The following JCAD variants were observed in gnomAD, a reference collection of about 807,000 sequenced individuals.
JCAD encodes the protein junctional cadherin 5-associated protein.
In JCAD, 40 loss-of-function variants were observed where a neutral mutation model predicts 98.0. The observed-to-expected ratio is 0.41, with a 90% CI of 0.32 to 0.53. The LOEUF (loss-of-function observed/expected upper bound fraction) is 0.53. Ranked by LOEUF, JCAD falls within the 20% of genes least tolerant of loss-of-function variation. The pLI is 0.31. For missense variants in JCAD, 1,705 were observed against 1,738.1 expected (o/e 0.98, Z 0.34); for synonymous variants, 691 against 682.3 (o/e 1.01, Z -0.20).
In JCAD at chr10:30,092,098, T is replaced by TTAAATATATATATATATA. The variant is rs11268260; in HGVS notation, n.129-22278_129-22277insTATATATATATATATTTA. Among the ~76,000 whole-genome samples the TTAAATATATATATATATA allele has an allele frequency of 7.3e-3, 326 of 44,500 alleles. 20 individuals carry two copies. The highest frequency in any genetic ancestry group is 0.013 in the African/African-American group (110 of 8,426). 29.2% of individuals were successfully genotyped at this position (44,500 alleles called of 152,430 possible). A position where few individuals can be genotyped will look rare whatever the true frequency, so the allele number is the denominator to read the frequency against. ...ATATATATATATATATAAAGTTACT[T>TTAAATATATATATATATA]TATATATATATATATATATATATAT... On this transcript the variant is annotated intron_variant and non_coding_transcript_variant, in intron 1 of 2. Transcript: ENST00000465712.
intron 3 of JCAD, among the ~76,000 whole-genome samples, chr10:30,019,211 A>T (rs567490530): frequency 4.5e-4 from 68 of 151,852 alleles, no homozygotes; most frequent in Admixed American, 6.6e-4. Context: ...CAAAAAATTA[A>T]CCAGGCATGG....
chr10:30,031,780 A>C (rs1384013802), intron 2 of JCAD, among the ~76,000 whole-genome samples: 4 of 60,446 alleles, frequency 6.6e-5, no homozygotes, highest in African/African-American at 2.8e-4. Context: ...TTTGAGACGG[A>C]GTCTTGCTCT....
At chr10:30,038,935 C>T (rs1837180932) in intron 2 of JCAD, among the ~76,000 whole-genome samples, 1 of 152,104 alleles carries the variant, frequency 6.6e-6, no homozygotes, top group African/African-American at 2.4e-5. Flanking sequence ...CACTGGGAGT[C>T]AGGGTATCTC....
chr10:30,079,144 G>A (rs1838030404), intron 1 of JCAD, among the ~76,000 whole-genome samples: 1 of 152,018 alleles, frequency 6.6e-6, no homozygotes, highest in Non-Finnish European at 1.5e-5. Flanking sequence ...GGCAGATCAC[G>A]AGGTCAGGAG....
At chr10:30,044,825 TAAAAA>T in intron 2 of JCAD, 2 of 906,540 alleles carry the variant, frequency 2.2e-6, no homozygotes, top group Non-Finnish European at 2.6e-6. Context: ...ATTGGGCACC[TAAAAA>T]AAAAAAAAAG....
chr10:30,041,363 G>C (rs1589689709), intron 2 of JCAD, among the ~76,000 whole-genome samples: 1 of 152,178 alleles, frequency 6.6e-6, no homozygotes, highest in Non-Finnish European at 1.5e-5. Flanking sequence ...GCAGTGAAAA[G>C]GCAAATCGTG....
At position 30,017,791 on chromosome 10, in the gene JCAD, T is replaced by C. The variant is rs1836565464; in HGVS notation, c.*92A>G. 8.4e-7 allele frequency: 1 copy of C among 1,183,538 alleles called. No homozygotes were observed. 73.3% of individuals were successfully genotyped at this position (1,183,538 alleles called of 1,614,324 possible). A position where few individuals can be genotyped will look rare whatever the true frequency, so the allele number is the denominator to read the frequency against. Reference sequence around the variant, plus strand: ...GCTAAAAACTCAGCAGCTTCCAGCTTCTACATGGGGAAGTGGGGCTGATAG... The same window carrying C: ...GCTAAAAACTCAGCAGCTTCCAGCTCCTACATGGGGAAGTGGGGCTGATAG... On this transcript the variant is annotated 3_prime_UTR_variant, in exon 4 of 4. Coordinates refer to ENST00000375377, the MANE Select transcript of JCAD (RefSeq NM_020848.4).
At chr10:30,084,957 C>T (rs1470715652) in intron 1 of JCAD, among the ~76,000 whole-genome samples, 2 of 152,102 alleles carry the variant, frequency 1.3e-5, no homozygotes, top group African/African-American at 2.4e-5. Context: ...TGGAAATAAT[C>T]GTAGTCACTC....
rs1270929228 is a variant in JCAD at position 30,028,882 on chromosome 10, C to T, written c.1266G>A (p.Gln422=). 1.2e-6 allele frequency: 2 copies of T among 1,614,190 alleles called. No homozygotes were observed. The highest frequency in any genetic ancestry group is 8.5e-7 in the Non-Finnish European group (1 of 1,180,036). ...RPVTAYDGFV[Q]YIPFDDPRLR... ...ACCGTGGATCATCAAAGGGAATGTACTGAACGAAGCCGTCATAGGCAGTGA... is the reference window on the plus strand; with the variant it reads ...ACCGTGGATCATCAAAGGGAATGTATTGAACGAAGCCGTCATAGGCAGTGA... Residue 422 remains glutamine (Q), a synonymous_variant, in exon 3 of 4, where the codon CAG becomes CAA. Transcript: ENST00000375377.
At chr10:30,103,535 T>C (rs547128781) in intron 1 of JCAD, among the ~76,000 whole-genome samples, 36 of 152,132 alleles carry the variant, frequency 2.4e-4, no homozygotes, top group African/African-American at 8.4e-4. Context: ...AATGTTAAAA[T>C]TGATGTTAAA....
intron 2 of JCAD, among the ~76,000 whole-genome samples, chr10:30,031,438 A>ATTTT (rs34213034): frequency 1.1e-4 from 11 of 97,074 alleles, no homozygotes; most frequent in Non-Finnish European, 1.8e-4. Flanking sequence ...GCCCATCTGT[A>ATTTT]TTTTTTTTTT....
intron 1 of JCAD, among the ~76,000 whole-genome samples, chr10:30,105,616 C>T (rs1427940273): frequency 6.6e-6 from 1 of 152,108 alleles, no homozygotes; most frequent in African/African-American, 2.4e-5. Flanking sequence ...GAACCACAAA[C>T]CCAACCCTTT....
Position 30,027,788 on chromosome 10 carries a change from T to G in JCAD, c.2360A>C (p.Asp787Ala). Residue 787 changes from aspartate (D) to alanine (A), a missense_variant, in exon 3 of 4, where the codon GAT becomes GCT. By Grantham distance (126) the Asp-to-Ala change is moderately radical. Transcript: ENST00000375377. ...PKAGRSQPCV[D>A]VHGLGAHPGP... ...AGGGTGGGCTCCAAGCCCGTGGACA[T>G]CCACGCAGGGCTGACTTCGGCCTGC... 6.2e-7 allele frequency: 1 copy of G among 1,614,214 alleles called. No homozygotes were observed. Among genetic ancestry groups the G allele is most frequent in the South Asian group, 1.1e-5 (1 of 91,090 alleles).
intron 1 of JCAD, among the ~76,000 whole-genome samples, chr10:30,079,346 C>CAAAAAAAAAAAAAAAAAAAAA: frequency 1.5e-5 from 1 of 64,674 alleles, no homozygotes; most frequent in Non-Finnish European, 3.2e-5. Flanking sequence ...GACTCCATCT[C>CAAAAAAAAAAAAAAAAAAAAA]AAAAAAAAAA....
chr10:30,090,867 G>C lies in JCAD; in HGVS notation n.129-21046C>G, dbSNP rs1838249957. 2.0e-5 allele frequency among the ~76,000 whole-genome samples: 3 copies of C among 152,146 alleles called. No individual in the cohort carries two copies. The South Asian group carries it at 6.2e-4, about 32-fold the overall frequency. Reference sequence around the variant, plus strand: ...ATGGGGGGCAAGGGAGGGAACCGGAGCCAAACCCCACGGCAGGATTAGAAA... The same window carrying C: ...ATGGGGGGCAAGGGAGGGAACCGGACCCAAACCCCACGGCAGGATTAGAAA... On this transcript the variant is annotated intron_variant and non_coding_transcript_variant, in intron 1 of 2. Coordinates refer to the JCAD transcript ENST00000465712.
chr10:30,094,829 CTG>C (rs1412627856), intron 1 of JCAD, among the ~76,000 whole-genome samples: 1 of 152,228 alleles, frequency 6.6e-6, no homozygotes, highest in Admixed American at 6.5e-5. Context: ...TCCCGAATAT[CTG>C]TCTCCCTGAT....
rs571453669 is a variant in JCAD, at chr10:30,047,580, C to T, written c.233G>A (p.Gly78Asp). ...AGAAGTGCTCTGGGGCTCCCCGTGG[C>T]CTCTCGGTGTGCTGCGGCGGCTTTC... ...DSESRRSTPR[G>D]HGEPQSTSAS... Residue 78 changes from glycine (G) to aspartate (D), a missense_variant, in exon 2 of 4, where the codon GGC (glycine) becomes GAC (aspartate). By Grantham distance (94) the Gly-to-Asp change is moderately conservative. Transcript: ENST00000375377. The T allele has an allele frequency of 2.2e-5, 35 of 1,614,132 alleles. No homozygotes were observed. In the South Asian group the frequency reaches 2.9e-4, roughly 13 times the overall value.
intron 2 of JCAD, among the ~76,000 whole-genome samples, chr10:30,041,036 TCCAGAAG>T (rs1348785229): frequency 2.0e-5 from 3 of 151,976 alleles, no homozygotes; most frequent in Non-Finnish European, 4.4e-5. Flanking sequence ...TCCTTGTCAC[TCCAGAAG>T]CCTGCACCTC....
At chr10:30,074,115 A>G (rs977575085) in intron 1 of JCAD, among the ~76,000 whole-genome samples, 1 of 152,174 alleles carries the variant, frequency 6.6e-6, no homozygotes, top group Non-Finnish European at 1.5e-5. Context: ...CAAAAATGCT[A>G]TGGACAAAAT....
Sources: gnomAD v4.1 joint callset for allele counts (sites outside exome capture counted in the v4.1 genomes callset) on GRCh38, gnomAD v4.1.1 for gene constraint, MANE v1.5 for transcripts, NCBI Gene and HGNC (gene_info 2026-07-23, HGNC 2026-07-21) for gene names.